Variants in PARM1 observed in about 807,000 individuals in gnomAD.
The protein encoded by PARM1 is prostate androgen-regulated mucin-like protein 1.
PARM1 carries 14 observed loss-of-function variants against 24.6 expected under a neutral mutation model. That is an observed-to-expected ratio of 0.57 (90% confidence interval 0.38 to 0.89). The LOEUF is 0.89. Ranked by LOEUF, PARM1 falls within the 40% of genes least tolerant of loss-of-function variation. The pLI is 0.00. For synonymous variants in PARM1, 179 were observed against 156.6 expected (o/e 1.14, Z -1.07); for missense variants, 362 against 380.4 (o/e 0.95, Z 0.40).
At chr4:74,980,977 A>G (rs1321222730) in intron 1 of PARM1, among the ~76,000 whole-genome samples, 5 of 152,240 alleles carry the variant, frequency 3.3e-5, no homozygotes, top group Admixed American at 2.6e-4. Context: ...GATGGATTAG[A>G]TTTAAATGTA....
At chr4:75,014,713 A>G (rs1722947707) in intron 2 of PARM1, among the ~76,000 whole-genome samples, 1 of 152,164 alleles carries the variant, frequency 6.6e-6, no homozygotes. Flanking sequence ...TCAGAGAACC[A>G]CACAGAGAAG....
chr4:74,972,546 T>C (rs935897300), intron 1 of PARM1, among the ~76,000 whole-genome samples: 1 of 152,208 alleles, frequency 6.6e-6, no homozygotes, highest in Non-Finnish European at 1.5e-5. Flanking sequence ...ATTGTGTCTT[T>C]TAGTGCAGTT....
chr4:74,962,290 G>A (rs1175725924), intron 1 of PARM1, among the ~76,000 whole-genome samples: 11 of 151,768 alleles, frequency 7.2e-5, no homozygotes, highest in Admixed American at 7.2e-4. Flanking sequence ...AAAGAAAATA[G>A]TTAAAGAACA....
chr4:74,961,322 CA>C (rs528742765), intron 1 of PARM1, among the ~76,000 whole-genome samples: 48 of 151,886 alleles, frequency 3.2e-4, no homozygotes, highest in African/African-American at 1.0e-3. Flanking sequence ...TATCATCAAG[CA>C]GACAAATATA....
intron 2 of PARM1, 150 bp from the exon 3 acceptor site, chr4:75,033,733 G>C (rs1723315449): frequency 1.9e-6 from 1 of 522,088 alleles, no homozygotes; most frequent in African/African-American, 2.0e-5. Flanking sequence ...TATTCTAGCT[G>C]TGAATGTCAT....
intron 1 of PARM1, chr4:74,998,997 G>C (rs1722628540): frequency 6.6e-6 from 1 of 152,296 alleles, no homozygotes; most frequent in South Asian, 2.1e-4. Context: ...ACAACATAGA[G>C]TGTCCCTGAC....
intron 2 of PARM1, among the ~76,000 whole-genome samples, chr4:75,029,827 T>C (rs1348470242): frequency 6.6e-6 from 1 of 151,468 alleles, no homozygotes; most frequent in African/African-American, 2.4e-5. Flanking sequence ...CCAAGGTGAA[T>C]AGGTGGTGAG....
intron 1 of PARM1, among the ~76,000 whole-genome samples, chr4:74,973,467 C>T (rs1722080325): frequency 6.7e-6 from 1 of 149,092 alleles, no homozygotes; most frequent in African/African-American, 2.5e-5. Context: ...CCCCCCGCCC[C>T]CCTCACCGCC....
intron 2 of PARM1, among the ~76,000 whole-genome samples, chr4:75,025,012 T>A (rs534762508): frequency 6.6e-6 from 1 of 152,358 alleles, no homozygotes; most frequent in Admixed American, 6.5e-5. Flanking sequence ...TAGTATTTTA[T>A]CCATAGTCAT....
chr4:74,967,471 T>TTTGTTAGGTTA (rs1311508858), intron 1 of PARM1: 2 of 152,228 alleles, frequency 1.3e-5, no homozygotes, highest in Non-Finnish European at 2.9e-5. Flanking sequence ...GAGTTGTGTC[T>TTTGTTAGGTTA]GCAGAGAGAC....
chr4:75,009,326 G>A (rs897970917), intron 1 of PARM1, among the ~76,000 whole-genome samples: 1 of 152,328 alleles, frequency 6.6e-6, no homozygotes, highest in Middle Eastern at 3.4e-3. Context: ...CAGCCAAGTG[G>A]CAAATGATGA....
chr4:75,030,461 T>C (rs1047909817), intron 2 of PARM1, among the ~76,000 whole-genome samples: 11 of 152,190 alleles, frequency 7.2e-5, no homozygotes, highest in Non-Finnish European at 1.5e-4. Context: ...CCATTTATTC[T>C]GGTCCTGGGC....
chr4:75,024,042 C>T (rs892887213), intron 2 of PARM1, among the ~76,000 whole-genome samples: 3 of 152,082 alleles, frequency 2.0e-5, no homozygotes, highest in Non-Finnish European at 2.9e-5. Flanking sequence ...GAGGCCGAGA[C>T]GGGCAGATCA....
At chr4:74,992,336 CAAAAT>C (rs1722494511) in intron 1 of PARM1, among the ~76,000 whole-genome samples, 1 of 151,996 alleles carries the variant, frequency 6.6e-6, no homozygotes, top group African/African-American at 2.4e-5. Flanking sequence ...AAAAAATAAA[CAAAAT>C]AACAGAGCAG....
chr4:75,011,500 A>G (rs1722869485), intron 1 of PARM1, among the ~76,000 whole-genome samples: 1 of 152,166 alleles, frequency 6.6e-6, no homozygotes, highest in Non-Finnish European at 1.5e-5. Context: ...TGGGGAGGCA[A>G]TCAAGATATG....
chr4:74,967,080 A>G (rs1308213695), intron 1 of PARM1: 2 of 152,234 alleles, frequency 1.3e-5, no homozygotes, highest in African/African-American at 4.8e-5. Context: ...TAATGCAAAC[A>G]TGAATTCCAT....
chr4:75,028,331 AC>A (rs1183192628), intron 2 of PARM1, among the ~76,000 whole-genome samples: 1 of 152,176 alleles, frequency 6.6e-6, no homozygotes, highest in African/African-American at 2.4e-5. Flanking sequence ...CCAGTCGCCC[AC>A]TTCCCTCCTC....
At chr4:74,954,453 T>A (rs1376978155) in intron 1 of PARM1, among the ~76,000 whole-genome samples, 5 of 152,244 alleles carry the variant, frequency 3.3e-5, no homozygotes, top group Non-Finnish European at 7.3e-5. Flanking sequence ...GAGGACTTAC[T>A]GCAAAGTTTC....
Position 74,933,292 on chromosome 4 carries a change from G to A in PARM1, c.-36G>A, listed in dbSNP as rs367599010. The A allele has an allele frequency of 3.1e-6, 5 of 1,600,794 alleles. No individual in the cohort carries two copies. In the African/African-American group the frequency reaches 6.7e-5, roughly 22 times the overall value. On this transcript the variant is annotated 5_prime_UTR_variant, in exon 1 of 4. Coordinates refer to ENST00000307428, the MANE Select transcript of PARM1 (RefSeq NM_015393.4). ...TCTGTCAGTCCGCAAACTCCTTGCCGCCCGCCCCGGGCTGGGCACCAAATA... is the reference window on the plus strand; with the variant it reads ...TCTGTCAGTCCGCAAACTCCTTGCCACCCGCCCCGGGCTGGGCACCAAATA...
Sources: allele counts gnomAD v4.1 joint callset (sites outside exome capture counted in the v4.1 genomes callset), GRCh38; gene constraint gnomAD v4.1.1; transcripts MANE v1.5; gene names NCBI Gene and HGNC (gene_info 2026-07-23, HGNC 2026-07-21).